The following TBC1D5 variants were observed in gnomAD, a reference collection of about 807,000 sequenced individuals.
The protein encoded by TBC1D5 is TBC1 domain family, member 5.
A neutral mutation model predicts 100.3 loss-of-function variants in TBC1D5; 75 were observed. That is an observed-to-expected ratio of 0.75 (90% CI 0.62 to 0.91). The LOEUF is 0.91. Among genes scored for constraint, TBC1D5 ranks in the 40% least tolerant of loss-of-function variants. The probability of loss-of-function intolerance (pLI) is 0.00; values close to 1 mark genes in which losing one functional copy is unlikely to be tolerated. For missense variants in TBC1D5, 910 were observed against 942.4 expected (o/e 0.97, Z 0.45); for synonymous variants, 323 against 325.6 (o/e 0.99, Z 0.09).
chr3:17,493,865 T>G (rs954165819), intron 3 of TBC1D5, among the ~76,000 whole-genome samples: 1 of 152,206 alleles, frequency 6.6e-6, no homozygotes, highest in African/African-American at 2.4e-5. Flanking sequence ...TGCATTGGGT[T>G]AGAACATACT....
At chr3:17,295,396 T>C (rs1333368911) in intron 14 of TBC1D5, among the ~76,000 whole-genome samples, 2 of 152,214 alleles carry the variant, frequency 1.3e-5, no homozygotes, top group African/African-American at 2.4e-5. Flanking sequence ...TTCCCCATCT[T>C]GCTCAATTCA....
rs1470693337 is a variant in TBC1D5 at position 17,437,703 on chromosome 3, A to G, written c.98-9184T>C. On this transcript the variant is annotated intron_variant, in intron 3 of 21. Transcript: ENST00000253692. ...GGCAGAGGAAGGAAGGGGGAAAGAA[A>G]GTAGCGGGGGAAGTGAAGGCAGAGA... is the stretch of plus-strand genomic sequence containing the variant. Among the ~76,000 whole-genome samples, 5 of 133,510 alleles carry G rather than the reference A, an allele frequency of 3.7e-5. No homozygotes were observed. In the East Asian group the frequency reaches 1.0e-3, roughly 28 times the overall value. 87.6% of individuals were successfully genotyped at this position (133,510 alleles called of 152,430 possible). A position where few individuals can be genotyped will look rare whatever the true frequency, so the allele number is the denominator to read the frequency against.
rs955831798 is a variant in TBC1D5 at position 17,394,322 on chromosome 3, T to C, written c.509+8859A>G. ...TTAATAAACATTTCTTGAAGAAGCA[T>C]TGAATCTAGACAAACAAGATTAACA... On this transcript the variant is annotated intron_variant, in intron 8 of 21. Transcript: ENST00000253692. Among the ~76,000 whole-genome samples, 15 of 152,120 alleles carry C rather than the reference T, an allele frequency of 9.9e-5. 1 individual carries two copies. The South Asian group carries it at 1.2e-3, about 13-fold the overall frequency.
chr3:17,284,429 T>A (rs1264985662), intron 15 of TBC1D5, among the ~76,000 whole-genome samples: 2 of 152,214 alleles, frequency 1.3e-5, no homozygotes, highest in East Asian at 3.8e-4. Context: ...ATTATTACCC[T>A]ATTTGCGCCC....
intron 2 of TBC1D5, among the ~76,000 whole-genome samples, chr3:17,557,090 T>G (rs2096527036): frequency 6.6e-6 from 1 of 152,208 alleles, no homozygotes; most frequent in African/African-American, 2.4e-5. Flanking sequence ...GAAAAGCATA[T>G]TAGTGCTGAC....
chr3:17,543,984 C>A lies in TBC1D5; in HGVS notation c.-35-35379G>T, dbSNP rs113262248. 5.5e-3 allele frequency among the ~76,000 whole-genome samples: 833 copies of A among 152,112 alleles called. 12 individuals are homozygous for A. The highest frequency in any genetic ancestry group is 0.019 in the African/African-American group (801 of 41,496). ...CCAGGTGCAAGCGATTCGCCTGCCTCAGCCTCCCGAGTAGCTAAGACTATA... is the reference window on the plus strand; with the variant it reads ...CCAGGTGCAAGCGATTCGCCTGCCTAAGCCTCCCGAGTAGCTAAGACTATA... On this transcript the variant is annotated intron_variant, in intron 2 of 21. Coordinates refer to ENST00000253692, the Ensembl canonical transcript of TBC1D5.
intron 3 of TBC1D5, among the ~76,000 whole-genome samples, chr3:17,472,782 G>T (rs187328042): frequency 6.6e-6 from 1 of 152,260 alleles, no homozygotes; most frequent in East Asian, 1.9e-4. Flanking sequence ...ATAAACATCT[G>T]GGAGCACATA....
intron 10 of TBC1D5, among the ~76,000 whole-genome samples, chr3:17,375,016 G>A (rs756012064): frequency 1.7e-4 from 26 of 151,964 alleles, no homozygotes; most frequent in Non-Finnish European, 2.9e-4. Context: ...GAACAAAAAG[G>A]TAGTTACTGG....
At chr3:17,317,156 G>A (rs1427922595) in intron 13 of TBC1D5, among the ~76,000 whole-genome samples, 1 of 152,108 alleles carries the variant, frequency 6.6e-6, no homozygotes, top group Admixed American at 6.5e-5. Context: ...CATATAATTA[G>A]AATAGCAACA....
intron 14 of TBC1D5, among the ~76,000 whole-genome samples, chr3:17,295,400 C>T (rs2082144722): frequency 6.6e-6 from 1 of 152,210 alleles, no homozygotes; most frequent in East Asian, 1.9e-4. Flanking sequence ...CCATCTTGCT[C>T]AATTCATCCT....
chr3:17,662,059 T>C (rs900925859), intron 1 of TBC1D5, among the ~76,000 whole-genome samples: 9 of 152,064 alleles, frequency 5.9e-5, no homozygotes, highest in African/African-American at 1.9e-4. Flanking sequence ...CCAGCTAATT[T>C]TTAAATTTTT....
chr3:17,361,139 T>C (rs945770632), intron 13 of TBC1D5, among the ~76,000 whole-genome samples: 2 of 152,056 alleles, frequency 1.3e-5, no homozygotes, highest in Non-Finnish European at 2.9e-5. Context: ...ATCAAGTCTC[T>C]ATGTAACTAT....
intron 3 of TBC1D5, among the ~76,000 whole-genome samples, chr3:17,440,137 C>G (rs965813014): frequency 2.0e-5 from 3 of 152,112 alleles, no homozygotes; most frequent in Admixed American, 2.0e-4. Flanking sequence ...AGAGGGACAG[C>G]CAAAGCAATG....
intron 18 of TBC1D5, among the ~76,000 whole-genome samples, chr3:17,192,405 G>C (rs2070056603): frequency 6.6e-6 from 1 of 151,634 alleles, no homozygotes. Context: ...TTTGTCCCAT[G>C]TGCAAACCTG....
In TBC1D5 at chr3:17,354,507, C is replaced by T. The variant is rs114559034; in HGVS notation, c.995+17568G>A. ...CTATTGAGTATATTTGTGGCGTCTCCAGCAGCTGCTGTTAAATACCAGCTG... is the reference window on the plus strand; with the variant it reads ...CTATTGAGTATATTTGTGGCGTCTCTAGCAGCTGCTGTTAAATACCAGCTG... On this transcript the variant is annotated intron_variant, in intron 13 of 21. Coordinates refer to ENST00000253692, the Ensembl canonical transcript of TBC1D5. Among the ~76,000 whole-genome samples, 645 of 152,112 alleles carry T rather than the reference C, an allele frequency of 4.2e-3. 4 individuals carry two copies. The highest frequency in any genetic ancestry group is 0.014 in the African/African-American group (581 of 41,534).
chr3:17,294,140 A>G (rs1206200358), intron 14 of TBC1D5, among the ~76,000 whole-genome samples: 2 of 152,368 alleles, frequency 1.3e-5, no homozygotes, highest in Non-Finnish European at 2.9e-5. Context: ...AGTTTTAAGT[A>G]TACTAGAAGA....
chr3:17,689,241 T>TA (rs1396967535), intron 1 of TBC1D5, among the ~76,000 whole-genome samples: 1 of 152,098 alleles, frequency 6.6e-6, no homozygotes, highest in Non-Finnish European at 1.5e-5. Context: ...GAAAATGCGT[T>TA]AGACACTCAC....
intron 19 of TBC1D5, among the ~76,000 whole-genome samples, chr3:17,178,306 C>T (rs891941933): frequency 1.4e-4 from 21 of 152,000 alleles, no homozygotes; most frequent in African/African-American, 5.1e-4. Context: ...ACCTCGTGAT[C>T]CACCCACCTC....
At chr3:17,566,816 A>G (rs2096596764) in intron 2 of TBC1D5, among the ~76,000 whole-genome samples, 1 of 151,860 alleles carries the variant, frequency 6.6e-6, no homozygotes, top group African/African-American at 2.4e-5. Context: ...AGGCCTTTCT[A>G]TTTAGTTGAC....
Sources: gnomAD v4.1 joint callset for allele counts (sites outside exome capture counted in the v4.1 genomes callset) on GRCh38, gnomAD v4.1.1 for gene constraint, MANE v1.5 for transcripts, NCBI Gene and HGNC (gene_info 2026-07-23, HGNC 2026-07-21) for gene names.